The following LDB2 variants were observed in gnomAD, a reference collection of about 807,000 sequenced individuals.
LDB2 encodes the protein LIM domain-binding protein 2.
In LDB2, 12 loss-of-function variants were observed where a neutral mutation model predicts 44.3. The ratio of observed to expected loss-of-function variants is 0.27; its 90% CI spans 0.17 to 0.44. LDB2 has a LOEUF of 0.44. Ranked by LOEUF, LDB2 falls within the 20% of genes least tolerant of loss-of-function variation. LDB2 has a pLI of 1.00. For missense variants in LDB2, 344 were observed against 473.5 expected, an observed-to-expected ratio of 0.73 and a Z score of 2.54; for synonymous variants, 164 against 174.8, an observed-to-expected ratio of 0.94 and a Z score of 0.49.
At chr4:16,679,647 A>G (rs1345943508) in intron 2 of LDB2, among the ~76,000 whole-genome samples, 1 of 152,146 alleles carries the variant, frequency 6.6e-6, no homozygotes, top group East Asian at 1.9e-4. Flanking sequence ...TACACTCCAT[A>G]GCTGCTGGTG....
At chr4:16,595,004 T>A (rs1720409150) in intron 3 of LDB2, among the ~76,000 whole-genome samples, 1 of 152,238 alleles carries the variant, frequency 6.6e-6, no homozygotes, top group Non-Finnish European at 1.5e-5. Flanking sequence ...TGAGAGGGAA[T>A]ATTCCATATG....
intron 2 of LDB2, among the ~76,000 whole-genome samples, chr4:16,746,502 G>C (rs562695636): frequency 6.6e-6 from 1 of 152,080 alleles, no homozygotes; most frequent in East Asian, 1.9e-4. Context: ...TGGGAAAATA[G>C]GTGGCTGGGT....
At chr4:16,614,051 T>C (rs1445220107) in intron 2 of LDB2, among the ~76,000 whole-genome samples, 1 of 152,200 alleles carries the variant, frequency 6.6e-6, no homozygotes, top group Non-Finnish European at 1.5e-5. Flanking sequence ...AACAGCATGA[T>C]ACTTGTACCA....
chr4:16,657,340 CATT>C (rs1407366808), intron 2 of LDB2, among the ~76,000 whole-genome samples: 3 of 152,140 alleles, frequency 2.0e-5, no homozygotes, highest in Admixed American at 1.3e-4. Flanking sequence ...CCATCATCAT[CATT>C]ATTACCCTGT....
At chr4:16,503,477 A>G (rs955393788) in intron 7 of LDB2, among the ~76,000 whole-genome samples, 1 of 152,208 alleles carries the variant, frequency 6.6e-6, no homozygotes, top group Non-Finnish European at 1.5e-5. Context: ...CTACTTAATT[A>G]TGGTAATTAA....
intron 2 of LDB2, among the ~76,000 whole-genome samples, chr4:16,654,628 T>C (rs1235873384): frequency 6.6e-6 from 1 of 152,200 alleles, no homozygotes; most frequent in South Asian, 2.1e-4. Context: ...AAAGTTTAAG[T>C]TTCTTTCCTG....
At chr4:16,693,369 T>TTTTTTTA (rs1751306320) in intron 2 of LDB2, among the ~76,000 whole-genome samples, 2 of 130,226 alleles carry the variant, frequency 1.5e-5, no homozygotes, top group East Asian at 2.2e-4. Flanking sequence ...TTTTTTTTTT[T>TTTTTTTA]GAGATGAATT....
chr4:16,833,544 CTT>C (rs34692758), intron 1 of LDB2, among the ~76,000 whole-genome samples: 80 of 129,796 alleles, frequency 6.2e-4, no homozygotes, highest in Middle Eastern at 4.2e-3. Flanking sequence ...ATCTTTTCCT[CTT>C]TTTTTTTTTT....
chr4:16,558,892 T>G (rs1740890430), intron 5 of LDB2, among the ~76,000 whole-genome samples: 1 of 151,900 alleles, frequency 6.6e-6, no homozygotes, highest in Admixed American at 6.6e-5. Context: ...CAGAAGAGAG[T>G]GGGGGCCAAT....
chr4:16,736,556 T>C (rs1244510476), intron 2 of LDB2, among the ~76,000 whole-genome samples: 1 of 152,166 alleles, frequency 6.6e-6, no homozygotes, highest in Non-Finnish European at 1.5e-5. Context: ...AGAAACATAT[T>C]AAATTTAGTA....
At chr4:16,538,895 G>A (rs952236695) in intron 5 of LDB2, among the ~76,000 whole-genome samples, 10 of 152,144 alleles carry the variant, frequency 6.6e-5, no homozygotes, top group East Asian at 1.9e-4. Flanking sequence ...TGAGGAAACC[G>A]TGGCAAAAAC....
chr4:16,607,464 CT>C (rs143975222), intron 2 of LDB2, among the ~76,000 whole-genome samples: 10,403 of 152,302 alleles, frequency 0.068, 420 homozygotes, highest in African/African-American at 0.082. Flanking sequence ...CACACACTGG[CT>C]GTGCTACTTA....
chr4:16,811,095 C>T (rs1342276006), intron 1 of LDB2, among the ~76,000 whole-genome samples: 3 of 152,164 alleles, frequency 2.0e-5, no homozygotes, highest in South Asian at 2.1e-4. Context: ...GACAATCTAA[C>T]GCCGGTATCA....
intron 2 of LDB2, among the ~76,000 whole-genome samples, chr4:16,734,444 G>T (rs539885): frequency 0.52 from 78,108 of 151,466 alleles, 20,291 homozygotes; most frequent in East Asian, 0.76. Flanking sequence ...CGGTGCCTTG[G>T]ACTCAGAATT....
chr4:16,715,439 T>A lies in LDB2; in HGVS notation c.235+43719A>T, dbSNP rs1263792766. 2.0e-5 allele frequency among the ~76,000 whole-genome samples: 3 copies of A among 152,218 alleles called. No homozygotes were observed. In the East Asian group the frequency reaches 5.8e-4, roughly 29 times the overall value. The stretch of plus-strand genomic sequence containing the variant: ...ACTGGACTATAGATGTCAACATGAT[T>A]CTACTATGCTTTTCTTGCTAAAATT... On this transcript the variant is annotated intron_variant, in intron 2 of 7. Transcript: ENST00000304523.
intron 2 of LDB2, among the ~76,000 whole-genome samples, chr4:16,662,485 TAACA>T (rs1258167187): frequency 1.3e-5 from 2 of 152,190 alleles, no homozygotes; most frequent in Non-Finnish European, 2.9e-5. Context: ...CATCCAATCA[TAACA>T]AACAGTGAGG....
chr4:16,502,756 C>T lies in LDB2; in HGVS notation c.1009G>A (p.Glu337Lys), dbSNP rs1480863984. ...QYDAANGMDD[E>K]EDFNNSPALG... The stretch of plus-strand genomic sequence containing the variant: ...GCGGGTGAATTGTTGAAGTCCTCCT[C>T]GTCGTCCATGCCGTTGGCCGCATCA... The change falls in exon 8 of 8, where the codon GAG (glutamate) becomes AAG (lysine). Residue 337 changes from glutamate to lysine, a missense_variant. Glu to Lys is a moderately conservative substitution (Grantham distance 56). This residue lies in a region of LDB2 where 86 missense variants were observed against 171.2 expected (regional missense o/e 0.50). Coordinates refer to ENST00000304523, the MANE Select transcript of LDB2 (RefSeq NM_001290.5). The T allele has an allele frequency of 1.4e-5, 23 of 1,613,798 alleles. No homozygotes were observed. Among genetic ancestry groups the T allele is most frequent in the African/African-American group, 2.7e-5 (2 of 74,832 alleles).
chr4:16,652,490 G>A (rs978489067), intron 2 of LDB2, among the ~76,000 whole-genome samples: 2 of 152,092 alleles, frequency 1.3e-5, no homozygotes, highest in African/African-American at 2.4e-5. Flanking sequence ...TGTTCACCAC[G>A]CTGATAGATA....
chr4:16,605,372 A>G (rs1291156944), intron 2 of LDB2, among the ~76,000 whole-genome samples: 1 of 152,228 alleles, frequency 6.6e-6, no homozygotes, highest in Non-Finnish European at 1.5e-5. Flanking sequence ...AATAAAATGG[A>G]ACACTTTTTG....
Sources: gnomAD v4.1 joint callset for allele counts (sites outside exome capture counted in the v4.1 genomes callset) on GRCh38, gnomAD v4.1.1 for gene constraint, gnomAD v4.1.1 regional missense constraint, MANE v1.5 for transcripts, NCBI Gene and HGNC (gene_info 2026-07-23, HGNC 2026-07-21) for gene names.